Variants in FANCC observed in about 807,000 individuals in gnomAD.
FANCC encodes the protein Fanconi anemia group C protein.
FANCC carries 55 observed loss-of-function variants against 71.3 expected under a neutral mutation model. That is an observed-to-expected ratio of 0.77 (90% CI 0.62 to 0.97). FANCC has a LOEUF of 0.97. FANCC is among the 50% of genes least tolerant of loss of function. FANCC has a pLI of 0.00. For synonymous variants in FANCC, 275 were observed against 244.9 expected, an observed-to-expected ratio of 1.12 and a Z score of -1.15; for missense variants, 678 against 670.9, an observed-to-expected ratio of 1.01 and a Z score of -0.12.
chr9:95,280,849 G>A (rs1833344541), intron 1 of FANCC, among the ~76,000 whole-genome samples: 1 of 152,174 alleles, frequency 6.6e-6, no homozygotes, highest in East Asian at 1.9e-4. Context: ...ATTTAACAGA[G>A]AGATTGAAAT....
intron 4 of FANCC, among the ~76,000 whole-genome samples, chr9:95,219,100 T>C (rs1458381547): frequency 6.6e-6 from 1 of 151,994 alleles, no homozygotes; most frequent in African/African-American, 2.4e-5. Context: ...TGACTCAGAG[T>C]TCGGATGGGA....
chr9:95,234,891 A>C (rs942884053), intron 4 of FANCC, among the ~76,000 whole-genome samples: 1 of 152,204 alleles, frequency 6.6e-6, no homozygotes, highest in Non-Finnish European at 1.5e-5. Flanking sequence ...AAAAGCTTTC[A>C]GGCAGGAGGA....
At chr9:95,147,044 G>A (rs1829665041) in intron 7 of FANCC, among the ~76,000 whole-genome samples, 2 of 149,858 alleles carry the variant, frequency 1.3e-5, no homozygotes, top group Non-Finnish European at 3.0e-5. Context: ...TATATACAGT[G>A]TATATTTTAC....
chr9:95,169,361 G>A (rs908404651), intron 6 of FANCC, among the ~76,000 whole-genome samples: 1 of 152,200 alleles, frequency 6.6e-6, no homozygotes, highest in African/African-American at 2.4e-5. Context: ...TATGATTGGT[G>A]GCAATCAGGT....
intron 7 of FANCC, among the ~76,000 whole-genome samples, chr9:95,138,502 A>T (rs1345382181): frequency 6.6e-6 from 1 of 152,200 alleles, no homozygotes; most frequent in Non-Finnish European, 1.5e-5. Flanking sequence ...GGAAGCTCTG[A>T]ATAGGAGAGT....
rs79079196 is a variant in FANCC at position 95,138,835 on chromosome 9, A to G, written c.687-3333T>C. ...ATAGTCACTCAAGCACACGAGTCAC[A>G]CTCCAGTCAGTAAAGTGCGTGATGC... On this transcript the variant is annotated intron_variant, in intron 7 of 14. Coordinates refer to ENST00000289081, the MANE Select transcript of FANCC (RefSeq NM_000136.3). Among the ~76,000 whole-genome samples the G allele has an allele frequency of 3.3e-3, 503 of 152,212 alleles. 9 individuals carry two copies. In the East Asian group the frequency reaches 0.043, roughly 13 times the overall value.
intron 1 of FANCC, chr9:95,292,778 GTT>G: frequency 6.6e-7 from 1 of 1,519,934 alleles, no homozygotes; most frequent in Non-Finnish European, 9.1e-7. Flanking sequence ...CATTTTCTCA[GTT>G]TTCTCTCGTA....
chr9:95,316,336 A>G (rs1835737624), intron 1 of FANCC, among the ~76,000 whole-genome samples: 1 of 152,242 alleles, frequency 6.6e-6, no homozygotes, highest in Non-Finnish European at 1.5e-5. Context: ...TTTAATGTAT[A>G]AAGTCGCAAT....
chr9:95,136,321 C>G (rs909433306), intron 7 of FANCC, among the ~76,000 whole-genome samples: 58 of 152,070 alleles, frequency 3.8e-4, no homozygotes, highest in Middle Eastern at 3.4e-3. Flanking sequence ...ATCGCTAGAG[C>G]CCAGGAGGCT....
chr9:95,140,672 C>T (rs888301848), intron 7 of FANCC, among the ~76,000 whole-genome samples: 1 of 152,280 alleles, frequency 6.6e-6, no homozygotes, highest in Non-Finnish European at 1.5e-5. Context: ...GAGATCAAGG[C>T]TGTTTGGGTT....
At chr9:95,108,284 G>A (rs535491238) in intron 13 of FANCC, among the ~76,000 whole-genome samples, 28 of 152,324 alleles carry the variant, frequency 1.8e-4, no homozygotes, top group South Asian at 6.2e-4. Context: ...GAGCGGCAGC[G>A]CTCCAGCAGG....
intron 4 of FANCC, among the ~76,000 whole-genome samples, chr9:95,198,054 A>C (rs1262052178): frequency 6.6e-6 from 1 of 152,184 alleles, no homozygotes; most frequent in Non-Finnish European, 1.5e-5. Flanking sequence ...AGGATGGGCA[A>C]AGGGCTCCAT....
chr9:95,147,559 A>G (rs1829732889), intron 7 of FANCC, among the ~76,000 whole-genome samples: 1 of 152,214 alleles, frequency 6.6e-6, no homozygotes, highest in Admixed American at 6.5e-5. Context: ...CACATCAGAG[A>G]ATTCTCTGAC....
At chr9:95,306,297 G>GT (rs1196057689) in intron 1 of FANCC, among the ~76,000 whole-genome samples, 2 of 152,132 alleles carry the variant, frequency 1.3e-5, no homozygotes, top group Admixed American at 1.3e-4. Context: ...AAAGACATGC[G>GT]TATCAAATAC....
rs56250966 is a variant in FANCC, at chr9:95,100,980, GAACT to G, written c.*723_*726del. On this transcript the variant is annotated 3_prime_UTR_variant, in exon 15 of 15. Coordinates refer to ENST00000289081, the MANE Select transcript of FANCC (RefSeq NM_000136.3). Reference sequence around the variant, plus strand: ...CAATTCCCATTTCCATTTAACAAGAGAACTAACTAACTGAATTAATCCTGCCTTC... The same window carrying G: ...CAATTCCCATTTCCATTTAACAAGAGAACTAACTGAATTAATCCTGCCTTC... 0.033 allele frequency: 7,689 copies of G among 233,294 alleles called. 449 individuals carry two copies. Among genetic ancestry groups the G allele is most frequent in the African/African-American group, 0.13 (6,094 of 45,404 alleles). The allele number at this position is 233,294 out of a possible 1,614,324, so 14.5% of individuals were successfully genotyped here.
chr9:95,107,600 C>G, intron 13 of FANCC: 2 of 434,360 alleles, frequency 4.6e-6, no homozygotes, highest in Non-Finnish European at 8.5e-6. Context: ...CAAAAGGCTC[C>G]TTGAAGACTC....
intron 11 of FANCC, among the ~76,000 whole-genome samples, chr9:95,116,301 A>C (rs1019077596): frequency 2.6e-5 from 4 of 152,226 alleles, no homozygotes; most frequent in African/African-American, 9.6e-5. Context: ...CTTGTTAATA[A>C]AGTTTTCCCA....
chr9:95,184,534 A>G (rs894059767), intron 4 of FANCC, among the ~76,000 whole-genome samples: 2 of 152,228 alleles, frequency 1.3e-5, no homozygotes, highest in African/African-American at 4.8e-5. Context: ...AAAACTGTTA[A>G]AAATACATGT....
chr9:95,301,577 A>G (rs1228325470), intron 1 of FANCC, among the ~76,000 whole-genome samples: 1 of 151,788 alleles, frequency 6.6e-6, no homozygotes, highest in Non-Finnish European at 1.5e-5. Flanking sequence ...ACAGGCATGC[A>G]CCACCATGCC....
Sources: gnomAD v4.1 joint callset for allele counts (sites outside exome capture counted in the v4.1 genomes callset) on GRCh38, gnomAD v4.1.1 for gene constraint, MANE v1.5 for transcripts, NCBI Gene and HGNC (gene_info 2026-07-23, HGNC 2026-07-21) for gene names.